TMEM131: variants seen among roughly 807,000 people sequenced by gnomAD.
TMEM131 encodes the protein 2610524E03Rik.
Under a neutral mutation model 211.6 loss-of-function variants are expected in TMEM131, and 66 were observed. The ratio of observed to expected loss-of-function variants is 0.31; its 90% CI spans 0.26 to 0.38. TMEM131 has a LOEUF of 0.38. Among genes scored for constraint, TMEM131 ranks in the 10% least tolerant of loss-of-function variants. The probability of loss-of-function intolerance (pLI) is 1.00; values close to 1 mark genes in which losing one functional copy is unlikely to be tolerated. For missense variants in TMEM131, 2,036 were observed against 2,299.3 expected, an observed-to-expected ratio of 0.89 and a Z score of 2.34; for synonymous variants, 844 against 841.3, an observed-to-expected ratio of 1.00 and a Z score of -0.06.
At chr2:97,915,550 TA>T (rs1423772040) in intron 2 of TMEM131, among the ~76,000 whole-genome samples, 1 of 152,206 alleles carries the variant, frequency 6.6e-6, no homozygotes, top group Non-Finnish European at 1.5e-5. Context: ...CTATGTTGCC[TA>T]AGCTGGTCTT....
At chr2:97,812,351 T>C (rs1681585454) in intron 17 of TMEM131, 70 bp downstream of exon 17, 4 of 1,490,458 alleles carry the variant, frequency 2.7e-6, no homozygotes, top group East Asian at 2.3e-5. Context: ...ACATGTAGCA[T>C]AGCAATGATC....
chr2:97,801,828 T>C lies in TMEM131; in HGVS notation c.2718+67A>G, dbSNP rs557325947. 1.1e-4 allele frequency: 138 copies of C among 1,214,088 alleles called. 2 individuals are homozygous for C. The South Asian group carries it at 2.2e-3, about 20-fold the overall frequency. The allele number at this position is 1,214,088 out of a possible 1,614,324, so 75.2% of individuals were successfully genotyped here. The stretch of plus-strand genomic sequence containing the variant: ...AATTTAAGAGTAGCCAATAATTTTC[T>C]TTCATATTTATATTGATCATATTAT... On this transcript the variant is annotated intron_variant, in intron 25 of 40. Transcript: ENST00000186436.
At chr2:97,818,196 C>T (rs901608706) in intron 12 of TMEM131, among the ~76,000 whole-genome samples, 16 of 151,988 alleles carry the variant, frequency 1.1e-4, no homozygotes, top group African/African-American at 3.1e-4. Context: ...CCTATAAAAG[C>T]CAATATATGA....
chr2:97,898,174 CTTTAT>C (rs1675695277), intron 3 of TMEM131, among the ~76,000 whole-genome samples: 1 of 151,610 alleles, frequency 6.6e-6, no homozygotes, highest in African/African-American at 2.4e-5. Flanking sequence ...CTAGTATATC[CTTTAT>C]TTTCTTCTAT....
At chr2:97,932,491 TAA>T (rs1396364847) in intron 1 of TMEM131, among the ~76,000 whole-genome samples, 2 of 152,222 alleles carry the variant, frequency 1.3e-5, no homozygotes, top group African/African-American at 4.8e-5. Flanking sequence ...TGTTGTTTAC[TAA>T]AACTCAAAAT....
At chr2:97,847,099 G>A (rs1683486660) in intron 5 of TMEM131, among the ~76,000 whole-genome samples, 1 of 139,436 alleles carries the variant, frequency 7.2e-6, no homozygotes, top group Non-Finnish European at 1.6e-5. Flanking sequence ...CGAGGCAGGA[G>A]AGTCGCTTGA....
chr2:97,936,833 C>T (rs933863387), intron 1 of TMEM131, among the ~76,000 whole-genome samples: 1 of 151,924 alleles, frequency 6.6e-6, no homozygotes, highest in Non-Finnish European at 1.5e-5. Context: ...CTTGAGAAAG[C>T]CCAGGTTTTA....
chr2:97,903,532 T>A (rs1267923431), intron 3 of TMEM131, among the ~76,000 whole-genome samples: 4 of 152,132 alleles, frequency 2.6e-5, no homozygotes, highest in Non-Finnish European at 5.9e-5. Context: ...AAGACACTTA[T>A]GAATTATAAG....
chr2:97,791,318 C>T (rs555476316), intron 31 of TMEM131, among the ~76,000 whole-genome samples: 13 of 152,298 alleles, frequency 8.5e-5, no homozygotes, highest in South Asian at 8.3e-4. Flanking sequence ...GACCACACTT[C>T]GAATGAGCAG....
At chr2:97,888,636 T>C (rs949283352) in intron 3 of TMEM131, among the ~76,000 whole-genome samples, 4 of 152,212 alleles carry the variant, frequency 2.6e-5, no homozygotes, top group African/African-American at 9.6e-5. Flanking sequence ...ATCTCTGATG[T>C]CCTGGCCTCC....
chr2:97,827,220 C>T, intron 11 of TMEM131: 1 of 740,692 alleles, frequency 1.4e-6, no homozygotes, highest in East Asian at 2.6e-5. Flanking sequence ...CCCGCAGGCA[C>T]CTGGCACGCG....
Position 97,814,304 on chromosome 2 carries a change from A to T in TMEM131, c.1377T>A (p.Thr459=). 1.2e-6 allele frequency: 2 copies of T among 1,613,986 alleles called. No homozygotes were observed. Among genetic ancestry groups the T allele is most frequent in the Non-Finnish European group, 1.7e-6 (2 of 1,179,878 alleles). Residue 459 remains threonine, a synonymous_variant, in exon 14 of 41, where the codon ACT becomes ACA. Transcript: ENST00000186436. ...ADPVERPIYL[T]NTFSFAILIH... ...TGAGGATCGCAAAACTGAAAGTGTT[A>T]GTAAGGTAAATTGGCCTTTCCACAG... is the stretch of plus-strand genomic sequence containing the variant.
At chr2:97,942,117 C>T (rs1169046921) in intron 1 of TMEM131, among the ~76,000 whole-genome samples, 1 of 152,034 alleles carries the variant, frequency 6.6e-6, no homozygotes, top group Non-Finnish European at 1.5e-5. Flanking sequence ...AAATGTGGCA[C>T]ATATACACCA....
chr2:97,884,324 T>C (rs1440152990), intron 4 of TMEM131, among the ~76,000 whole-genome samples: 1 of 152,210 alleles, frequency 6.6e-6, no homozygotes, highest in Non-Finnish European at 1.5e-5. Context: ...TTTTTGAGAT[T>C]CATTTTGTGT....
intron 33 of TMEM131, among the ~76,000 whole-genome samples, chr2:97,768,702 T>G (rs956191630): frequency 6.6e-6 from 1 of 152,234 alleles, no homozygotes; most frequent in Admixed American, 6.5e-5. Context: ...GCAATTCTCC[T>G]GCCTCAGCCT....
intron 2 of TMEM131, among the ~76,000 whole-genome samples, chr2:97,926,646 C>A (rs1032820281): frequency 6.6e-6 from 1 of 152,140 alleles, no homozygotes; most frequent in Non-Finnish European, 1.5e-5. Context: ...TGAGATCTCA[C>A]CCAAGCTCCT....
intron 6 of TMEM131, among the ~76,000 whole-genome samples, chr2:97,842,917 C>T (rs891906012): frequency 6.6e-6 from 1 of 152,084 alleles, no homozygotes; most frequent in Non-Finnish European, 1.5e-5. Flanking sequence ...CCATCAACAG[C>T]GTACTGAATG....
intron 4 of TMEM131, among the ~76,000 whole-genome samples, chr2:97,873,860 T>C (rs550091324): frequency 4.6e-5 from 7 of 152,294 alleles, no homozygotes; most frequent in African/African-American, 1.4e-4. Flanking sequence ...CAAAACTGGA[T>C]GGAGAATGAG....
At chr2:97,790,288 G>C (rs1680441496) in intron 31 of TMEM131, among the ~76,000 whole-genome samples, 1 of 152,114 alleles carries the variant, frequency 6.6e-6, no homozygotes, top group South Asian at 2.1e-4. Flanking sequence ...CTATATGCAT[G>C]CTATACTTCA....
Sources: gnomAD v4.1 joint callset for allele counts (sites outside exome capture counted in the v4.1 genomes callset) on GRCh38, gnomAD v4.1.1 for gene constraint, MANE v1.5 for transcripts, NCBI Gene and HGNC (gene_info 2026-07-23, HGNC 2026-07-21) for gene names.